POR: variants seen among roughly 807,000 people sequenced by gnomAD.
POR encodes cytochrome p450 oxidoreductase.
Under a neutral mutation model 84.0 loss-of-function variants are expected in POR, and 56 were observed. That is an observed-to-expected ratio of 0.67 (90% CI 0.54 to 0.83). The LOEUF is 0.83. Ranked by LOEUF, POR falls within the 40% of genes least tolerant of loss-of-function variation. The pLI, the probability that POR is intolerant of heterozygous loss-of-function variation, is 0.00. For missense variants in POR, 938 were observed against 944.3 expected, an observed-to-expected ratio of 0.99 and a Z score of 0.09; for synonymous variants, 414 against 400.5, an observed-to-expected ratio of 1.03 and a Z score of -0.40.
At position 75,985,876 on chromosome 7, in the gene POR, G is replaced by A. The variant is rs1789415563; in HGVS notation, c.1669+27G>A. 4 of 1,552,106 alleles carry A rather than the reference G, an allele frequency of 2.6e-6. No individual in the cohort carries two copies. In the East Asian group the frequency reaches 9.5e-5, roughly 37 times the overall value. The stretch of plus-strand genomic sequence containing the variant: ...TGAGTGGGGTCCCATGGGGGAGAGG[G>A]GGTGACGACTGGGAGCCCCGCGCTC... On this transcript the variant is annotated intron_variant, in intron 13 of 15. Coordinates refer to ENST00000461988, the MANE Select transcript of POR (RefSeq NM_000941.3).
In POR at chr7:75,936,196, C is replaced by T. The variant is rs150592554; in HGVS notation, c.-4-17793C>T. ...TGCAGCCTCTGCAGCCTCTAACTCC[C>T]GGGCTTAAGTAATCCTTCTGCCTCA... is the stretch of plus-strand genomic sequence containing the variant. On this transcript the variant is annotated intron_variant, in intron 1 of 15. Transcript: ENST00000461988. Among the ~76,000 whole-genome samples the T allele has an allele frequency of 1.8e-3, 278 of 150,532 alleles. 13 individuals carry two copies. In the South Asian group the frequency reaches 0.05, roughly 27 times the overall value.
chr7:75,980,975 GCCCTGCC>G, intron 5 of POR, 66 bp from the exon 6 acceptor site: 1 of 1,472,518 alleles, frequency 6.8e-7, no homozygotes. Context: ...GGGGCCTCCC[GCCCTGCC>G]CCCATGGCCC....
At chr7:75,951,384 A>T (rs1394537078) in intron 1 of POR, among the ~76,000 whole-genome samples, 1 of 151,952 alleles carries the variant, frequency 6.6e-6, no homozygotes, top group East Asian at 1.9e-4. Context: ...ACAGAGAGAG[A>T]CTCTATCTCA....
chr7:75,984,756 C>T (rs782176155), intron 10 of POR, 21 bp from the exon 11 acceptor site: 1 of 1,610,960 alleles, frequency 6.2e-7, no homozygotes, highest in South Asian at 1.1e-5. Flanking sequence ...ACCCCAAGTC[C>T]TGCCTGTCTC....
At chr7:75,966,157 T>C (rs932656703) in intron 2 of POR, among the ~76,000 whole-genome samples, 1 of 152,204 alleles carries the variant, frequency 6.6e-6, no homozygotes, top group Admixed American at 6.5e-5. Flanking sequence ...CTAGCCAGCA[T>C]GCAGTAGGCA....
At chr7:75,930,552 T>C (rs562930028) in intron 1 of POR, among the ~76,000 whole-genome samples, 2 of 152,336 alleles carry the variant, frequency 1.3e-5, no homozygotes, top group East Asian at 3.9e-4. Flanking sequence ...TGATGGAGTC[T>C]CGCTGTGTCG....
intron 2 of POR, among the ~76,000 whole-genome samples, 177 bp downstream of exon 2, chr7:75,954,357 T>C (rs782449395): frequency 2.0e-5 from 3 of 152,142 alleles, no homozygotes; most frequent in East Asian, 1.9e-4. Flanking sequence ...TCATCTCTTA[T>C]GTGGGGTTTA....
rs543482155 is a variant in POR, at chr7:75,970,401, G to T, written c.189-2012G>T. Among the ~76,000 whole-genome samples the T allele has an allele frequency of 3.3e-5, 5 of 151,106 alleles. No homozygotes were observed. In the South Asian group the frequency reaches 1.1e-3, roughly 33 times the overall value. On this transcript the variant is annotated intron_variant, in intron 2 of 15. Coordinates refer to ENST00000461988, the MANE Select transcript of POR (RefSeq NM_000941.3). ...CACCGCACGGTCATGTGATCGCACA[G>T]TGGTGAGATCATCGCCCACTGCAGC...
chr7:75,947,279 A>AATTG (rs138227382), intron 1 of POR: 6,677 of 151,900 alleles, frequency 0.044, 479 homozygotes, highest in African/African-American at 0.15. Flanking sequence ...TTTATTTGTT[A>AATTG]ATTGATTGAT....
chr7:75,965,805 G>T (rs1208794544), intron 2 of POR, among the ~76,000 whole-genome samples: 3 of 152,168 alleles, frequency 2.0e-5, no homozygotes, highest in African/African-American at 7.2e-5. Flanking sequence ...CGTGCTGGAG[G>T]ACATGGTCGG....
intron 3 of POR, among the ~76,000 whole-genome samples, chr7:75,977,399 C>T (rs1320391253): frequency 6.6e-6 from 1 of 152,212 alleles, no homozygotes; most frequent in Non-Finnish European, 1.5e-5. Flanking sequence ...GGATAAGAAG[C>T]TACTTCTACA....
Position 75,985,637 on chromosome 7 carries a change from G to A in POR, c.1457G>A (p.Gly486Asp). ...GTTGTGGAGTACGAGACCAAGGCTG[G>A]CCGCATCAACAAGGGCGTGGCCACC... The change falls in exon 13 of 16, where the codon GGC becomes GAC. Residue 486 changes from glycine (G) to aspartate (D), a missense_variant. Physicochemically the swap from Gly to Asp is moderately conservative, Grantham distance 94. Coordinates refer to ENST00000461988, the MANE Select transcript of POR (RefSeq NM_000941.3). 6.3e-7 allele frequency: 1 copy of A among 1,592,682 alleles called. No individual in the cohort carries two copies. Among genetic ancestry groups the A allele is most frequent in the Non-Finnish European group, 8.5e-7 (1 of 1,169,918 alleles).
At chr7:75,982,948 G>A (rs1040284764) in intron 8 of POR, among the ~76,000 whole-genome samples, 25 of 152,246 alleles carry the variant, frequency 1.6e-4, no homozygotes, top group African/African-American at 5.8e-4. Flanking sequence ...GGCACCGTCA[G>A]CTTGGGCCTC....
chr7:75,981,822 A>G (rs1789064572), intron 7 of POR: 3 of 591,158 alleles, frequency 5.1e-6, no homozygotes, highest in Non-Finnish European at 9.0e-6. Flanking sequence ...CTCGACAAGG[A>G]CACATCGCGT....
chr7:75,982,724 GC>G (rs782007056), intron 8 of POR, among the ~76,000 whole-genome samples: 7 of 152,186 alleles, frequency 4.6e-5, no homozygotes, highest in Non-Finnish European at 1.0e-4. Context: ...CCAGATTCCT[GC>G]CCGAGCCACC....
chr7:75,977,536 G>A (rs901178264), intron 3 of POR, among the ~76,000 whole-genome samples: 8 of 152,228 alleles, frequency 5.3e-5, no homozygotes, highest in African/African-American at 1.9e-4. Flanking sequence ...AGCACTTTGG[G>A]AGGCCAAGGT....
At chr7:75,923,040 T>A in intron 1 of POR, 3 of 682,324 alleles carry the variant, frequency 4.4e-6, no homozygotes, top group Non-Finnish European at 8.0e-6. Context: ...TCGAAAGGAT[T>A]GATGGTGTGA....
intron 2 of POR, chr7:75,968,186 A>G: frequency 2.2e-6 from 1 of 462,414 alleles, no homozygotes. Context: ...TGGCCAGGGG[A>G]CGCCTGCACC....
intron 1 of POR, among the ~76,000 whole-genome samples, chr7:75,923,857 C>T (rs1806987479): frequency 6.7e-6 from 1 of 149,246 alleles, no homozygotes; most frequent in Non-Finnish European, 1.5e-5. Flanking sequence ...CTTTGTCCTC[C>T]AGCCTGGGCA....
Sources: allele counts gnomAD v4.1 joint callset (sites outside exome capture counted in the v4.1 genomes callset), GRCh38; gene constraint gnomAD v4.1.1; transcripts MANE v1.5; gene names NCBI Gene and HGNC (gene_info 2026-07-23, HGNC 2026-07-21).